The following SEC31A variants were observed in gnomAD, a reference collection of about 807,000 sequenced individuals.
The protein encoded by SEC31A is SEC31 homolog A, COPII component.
In SEC31A, 70 loss-of-function variants were observed where a neutral mutation model predicts 151.0. The ratio of observed to expected loss-of-function variants is 0.46; its 90% CI spans 0.38 to 0.57. The LOEUF (loss-of-function observed/expected upper bound fraction) is 0.57. Among genes scored for constraint, SEC31A ranks in the 20% least tolerant of loss-of-function variants. The pLI, the probability that SEC31A is intolerant of heterozygous loss-of-function variation, is 0.00. For missense variants in SEC31A, 1,330 were observed against 1,471.2 expected (o/e 0.90, Z 1.57); for synonymous variants, 475 against 505.9 (o/e 0.94, Z 0.82).
chr4:82,859,834 C>T (rs999249922), intron 14 of SEC31A, among the ~76,000 whole-genome samples: 1 of 150,486 alleles, frequency 6.6e-6, no homozygotes, highest in Non-Finnish European at 1.5e-5. Flanking sequence ...CTCTGTCGCC[C>T]AGGCTGGAGT....
At chr4:82,846,299 G>T (rs977236955) in intron 20 of SEC31A, among the ~76,000 whole-genome samples, 6 of 150,958 alleles carry the variant, frequency 4.0e-5, no homozygotes, top group Non-Finnish European at 8.8e-5. Flanking sequence ...CACCACGCCC[G>T]GCCTGTTTGT....
At position 82,878,756 on chromosome 4, in the gene SEC31A, T is replaced by C. The variant is rs1441764739; in HGVS notation, c.376A>G (p.Arg126Gly). ...TGGAAAATGTTCACATCCAAGGCTC[T>C]CACTGGGCCAGTATGCTTGTCATTC... ...AQNDKHTGPV[R>G]ALDVNIFQTN... Residue 126 changes from arginine to glycine, a missense_variant, in exon 4 of 27, where the codon AGA becomes GGA. Coordinates refer to ENST00000395310, the MANE Select transcript of SEC31A (RefSeq NM_001077207.4). 1 of 1,614,102 alleles carries C rather than the reference T, an allele frequency of 6.2e-7. No homozygotes were observed. The highest frequency in any genetic ancestry group is 8.5e-7 in the Non-Finnish European group (1 of 1,179,946).
At chr4:82,828,850 GGAT>G in intron 23 of SEC31A, 147 bp downstream of exon 23, 1 of 535,172 alleles carries the variant, frequency 1.9e-6, no homozygotes, top group East Asian at 2.8e-5. Flanking sequence ...TTCCTTCCAT[GGAT>G]TAGAAGGTGC....
intron 8 of SEC31A, among the ~76,000 whole-genome samples, chr4:82,868,301 C>T (rs1228454606): frequency 1.3e-5 from 2 of 151,880 alleles, no homozygotes; most frequent in East Asian, 3.9e-4. Context: ...GAGTTCAAGA[C>T]CAGCATGGGG....
chr4:82,899,318 T>C (rs1213624026), intron 3 of SEC31A, among the ~76,000 whole-genome samples: 1 of 152,248 alleles, frequency 6.6e-6, no homozygotes, highest in East Asian at 1.9e-4. Context: ...ACCCACTGAA[T>C]TGTACACTTT....
At chr4:82,896,987 A>C (rs1720091202) in intron 3 of SEC31A, among the ~76,000 whole-genome samples, 2 of 152,182 alleles carry the variant, frequency 1.3e-5, no homozygotes, top group Non-Finnish European at 2.9e-5. Flanking sequence ...CAAAATATAG[A>C]CCTTGTCAAG....
At chr4:82,861,750 A>C (rs543912481) in intron 13 of SEC31A, 42 bp from the exon 14 acceptor site, 7 of 1,370,954 alleles carry the variant, frequency 5.1e-6, no homozygotes, top group Non-Finnish European at 7.2e-6. Context: ...TGAAGAATGT[A>C]GTATTAAAAG....
intron 25 of SEC31A, 106 bp downstream of exon 25, chr4:82,824,449 C>T (rs1352304575): frequency 3.3e-6 from 4 of 1,199,526 alleles, no homozygotes; most frequent in Non-Finnish European, 4.6e-6. Flanking sequence ...AAATGATCCA[C>T]CTACCTCGGC....
rs1034441901 is a variant in SEC31A, at chr4:82,833,335, C to T, written c.2969-4277G>A. Among the ~76,000 whole-genome samples, 16 of 152,142 alleles carry T rather than the reference C, an allele frequency of 1.1e-4. 1 individual carries two copies. The South Asian group carries it at 3.3e-3, about 32-fold the overall frequency. On this transcript the variant is annotated intron_variant, in intron 22 of 26. Transcript: ENST00000395310. ...AAACCAAACACCACATGTTCTCACT[C>T]ATAAATGGGAATTGAAGAATGAGAA...
Position 82,862,566 on chromosome 4 carries a change from A to T in SEC31A, c.1516T>A (p.Leu506Met), listed in dbSNP as rs762363883. 3 of 1,613,522 alleles carry T rather than the reference A, an allele frequency of 1.9e-6. No individual in the cohort carries two copies. Among genetic ancestry groups the T allele is most frequent in the Non-Finnish European group, 2.5e-6 (3 of 1,179,480 alleles). Residue 506 changes from leucine to methionine, a missense_variant, in exon 13 of 27, where the codon TTG becomes ATG. Physicochemically the swap from Leu to Met is conservative, Grantham distance 15. Transcript: ENST00000395310. ...GCTCCATCCACTTTGTTCAAGGCCAAAGCAATCTGAAATAAAAATAACAGC... is the reference window on the plus strand; with the variant it reads ...GCTCCATCCACTTTGTTCAAGGCCATAGCAATCTGAAATAAAAATAACAGC... The part of the protein sequence containing the change: ...RKEDLGKKIA[L>M]ALNKVDGANV...
At chr4:82,872,116 A>G (rs375354244) in intron 6 of SEC31A, 30 bp from the exon 7 acceptor site, 157 of 1,564,066 alleles carry the variant, frequency 1.0e-4, no homozygotes, top group Middle Eastern at 6.7e-4. Flanking sequence ...ACATTTTATG[A>G]ATCAAATTAC....
At chr4:82,871,432 G>T in intron 7 of SEC31A, 2 of 1,489,916 alleles carry the variant, frequency 1.3e-6, no homozygotes, top group Non-Finnish European at 1.8e-6. Flanking sequence ...GTGACTTTAA[G>T]CAAAACAATG....
At chr4:82,854,836 T>A in intron 17 of SEC31A, 67 bp downstream of exon 17, 1 of 1,383,838 alleles carries the variant, frequency 7.2e-7, no homozygotes. Context: ...AATTTGTCAT[T>A]TAAGTTTATT....
At chr4:82,890,174 C>G (rs1578422612) in intron 1 of SEC31A, among the ~76,000 whole-genome samples, 1 of 138,462 alleles carries the variant, frequency 7.2e-6, no homozygotes, top group East Asian at 2.1e-4. Flanking sequence ...TGCACTCCAG[C>G]CTGGGTGACA....
rs772660353 is a variant in SEC31A at position 82,851,455 on chromosome 4, A to T, written c.2304T>A (p.Ala768=). Residue 768 remains alanine, a synonymous_variant, in exon 19 of 27, where the codon GCT becomes GCA. Transcript: ENST00000395310. ...AAQGSIAAAL[A]FLPDNTNQPN... The stretch of plus-strand genomic sequence containing the variant: ...CCTGGTTGGTGTTGTCAGGAAGAAA[A>T]GCCAAGGCTGCAGCAATACTGCCCT... 1 of 1,612,196 alleles carries T rather than the reference A, an allele frequency of 6.2e-7. No homozygotes were observed. Among genetic ancestry groups the T allele is most frequent in the East Asian group, 2.2e-5 (1 of 44,858 alleles).
chr4:82,879,520 G>C (rs1738796873), intron 3 of SEC31A, among the ~76,000 whole-genome samples: 1 of 152,110 alleles, frequency 6.6e-6, no homozygotes, highest in Non-Finnish European at 1.5e-5. Context: ...TACTATTAGA[G>C]AATAAAATAT....
At chr4:82,837,238 T>C (rs761809567) in intron 22 of SEC31A, among the ~76,000 whole-genome samples, 6 of 145,222 alleles carry the variant, frequency 4.1e-5, no homozygotes, top group South Asian at 2.2e-4. Context: ...AGTTTTTATG[T>C]ATGCATGTAT....
chr4:82,897,218 G>C (rs537415605), intron 3 of SEC31A, among the ~76,000 whole-genome samples: 2 of 152,170 alleles, frequency 1.3e-5, no homozygotes, highest in African/African-American at 2.4e-5. Flanking sequence ...GTTTTGGAGC[G>C]TATTAGGGTG....
chr4:82,899,520 T>C (rs1430093507), intron 3 of SEC31A: 1 of 152,340 alleles, frequency 6.6e-6, no homozygotes, highest in African/African-American at 2.4e-5. Context: ...ATCCAGTTCT[T>C]ACTCTCTGCA....
Sources: gnomAD v4.1 joint callset for allele counts (sites outside exome capture counted in the v4.1 genomes callset) on GRCh38, gnomAD v4.1.1 for gene constraint, MANE v1.5 for transcripts, NCBI Gene and HGNC (gene_info 2026-07-23, HGNC 2026-07-21) for gene names.